Variants in PCDHB11 observed in about 807,000 individuals in gnomAD.
PCDHB11 encodes protocadherin beta 11.
For missense variants in PCDHB11, 1,151 were observed against 1,003.4 expected (o/e 1.15, Z -1.99); for synonymous variants, 522 against 442.0 (o/e 1.18, Z -2.27).
At position 141,200,996 on chromosome 5, in the gene PCDHB11, C is replaced by T. The variant is rs782030350; in HGVS notation, c.1222C>T (p.Pro408Ser). Residue 408 changes from proline (P) to serine (S), a missense_variant, in exon 1 of 1, where the codon CCA (proline) becomes TCA (serine). Transcript: ENST00000354757. ...ENYYTLETER[P>S]LDRESTAEYN... ...TTACTACACGTTGGAAACAGAGAGA[C>T]CACTGGACAGAGAGAGCACAGCCGA... is the stretch of plus-strand genomic sequence containing the variant. The T allele has an allele frequency of 6.2e-6, 10 of 1,614,188 alleles. No homozygotes were observed. Among genetic ancestry groups the T allele is most frequent in the Non-Finnish European group, 8.5e-6 (10 of 1,180,044 alleles).
In PCDHB11 at chr5:141,200,511, T is replaced by C; in HGVS notation, c.737T>C (p.Phe246Ser). 6.2e-7 allele frequency: 1 copy of C among 1,614,142 alleles called. No homozygotes were observed. The highest frequency in any genetic ancestry group is 8.5e-7 in the Non-Finnish European group (1 of 1,180,032). The change falls in exon 1 of 1, where the codon TTT becomes TCT. Residue 246 changes from phenylalanine to serine, a missense_variant. Transcript: ENST00000354757. The stretch of plus-strand genomic sequence containing the variant: ...AACTCCCCTGAATTTGAGCAGGCTT[T>C]TTATGAGGTGAAGATTCGGGAGAAT... ...NDNSPEFEQA[F>S]YEVKIRENSI... is the part of the protein sequence containing the mutation.
rs115706518 is a variant in PCDHB11 at position 141,200,550 on chromosome 5, C to T, written c.776C>T (p.Ser259Leu). ...VKIRENSILG[S>L]LILIVSAWDL... ...ATTCGGGAGAATAGCATCCTTGGCT[C>T]GCTGATTTTGATTGTCTCAGCTTGG... The change falls in exon 1 of 1, where the codon TCG becomes TTG. Residue 259 changes from serine to leucine, a missense_variant. Transcript: ENST00000354757. 9 of 1,613,980 alleles carry T rather than the reference C, an allele frequency of 5.6e-6. No individual in the cohort carries two copies. The highest frequency in any genetic ancestry group is 3.3e-5 in the Admixed American group (2 of 59,990).
chr5:141,203,100 T>A lies in PCDHB11; in HGVS notation c.*932T>A, dbSNP rs913597867. 13 of 152,138 alleles carry A rather than the reference T, an allele frequency of 8.5e-5. No individual in the cohort carries two copies. Among genetic ancestry groups the A allele is most frequent in the African/African-American group, 3.1e-4 (13 of 41,392 alleles). The allele number at this position is 152,138 out of a possible 1,614,324, so 9.4% of individuals were successfully genotyped here. ...TTTCTCTTAGGTTGTTTTGTTTTGTTTTGTTTTTTGAGACGATGTTTCACT... is the reference window on the plus strand; with the variant it reads ...TTTCTCTTAGGTTGTTTTGTTTTGTATTGTTTTTTGAGACGATGTTTCACT... On this transcript the variant is annotated 3_prime_UTR_variant, in exon 1 of 1. Coordinates refer to ENST00000354757, the MANE Select transcript of PCDHB11 (RefSeq NM_018931.3).
At position 141,200,371 on chromosome 5, in the gene PCDHB11, G is replaced by T. The variant is rs532134044; in HGVS notation, c.597G>T (p.Ala199=). ...ACCCCGAGTTAGTTCTGGACAAGGCGCTGGATTATGAAGAGCTCCCGGAGC... is the reference window on the plus strand; with the variant it reads ...ACCCCGAGTTAGTTCTGGACAAGGCTCTGGATTATGAAGAGCTCCCGGAGC... The part of the protein sequence containing the change: ...RKYPELVLDK[A]LDYEELPELS... Residue 199 remains alanine, a synonymous_variant, in exon 1 of 1, where the codon GCG becomes GCT. Coordinates refer to ENST00000354757, the MANE Select transcript of PCDHB11 (RefSeq NM_018931.3). 1.9e-6 allele frequency: 3 copies of T among 1,614,160 alleles called. No homozygotes were observed. Among genetic ancestry groups the T allele is most frequent in the Non-Finnish European group, 1.7e-6 (2 of 1,180,026 alleles).
At position 141,200,983 on chromosome 5, in the gene PCDHB11, G is replaced by A; in HGVS notation, c.1209G>A (p.Leu403=). The A allele has an allele frequency of 1.2e-6, 2 of 1,614,156 alleles. No individual in the cohort carries two copies. The highest frequency in any genetic ancestry group is 1.7e-6 in the Non-Finnish European group (2 of 1,180,046). Residue 403 remains leucine (L), a synonymous_variant, in exon 1 of 1, where the codon TTG becomes TTA. Coordinates refer to ENST00000354757, the MANE Select transcript of PCDHB11 (RefSeq NM_018931.3). ...LKSSVENYYT[L]ETERPLDRES... is the part of the protein sequence containing the mutation. ...CTTCAGTTGAGAATTACTACACGTT[G>A]GAAACAGAGAGACCACTGGACAGAG...
In PCDHB11 at chr5:141,200,063, G is replaced by C. The variant is rs1420085300; in HGVS notation, c.289G>C (p.Gly97Arg). The change falls in exon 1 of 1, where the codon GGT (glycine) becomes CGT (arginine). Residue 97 changes from glycine (G) to arginine (R), a missense_variant. Physicochemically the swap from Gly to Arg is moderately radical, Grantham distance 125 (BLOSUM62 -2). Coordinates refer to ENST00000354757, the MANE Select transcript of PCDHB11 (RefSeq NM_018931.3). Reference sequence around the variant, plus strand: ...AACACTAGACAGGGAGGAGCTCTGCGGTTCCATCGAGCCTTGCGTGCTACA... The same window carrying C: ...AACACTAGACAGGGAGGAGCTCTGCCGTTCCATCGAGCCTTGCGTGCTACA... The part of the protein sequence containing the change: ...SETLDREELC[G>R]SIEPCVLHLQ... 5.6e-6 allele frequency: 9 copies of C among 1,614,144 alleles called. No homozygotes were observed. Among genetic ancestry groups the C allele is most frequent in the Non-Finnish European group, 3.4e-6 (4 of 1,180,038 alleles).
chr5:141,202,300 A>AT lies in PCDHB11; in HGVS notation c.*132_*133insT. 14 of 843,284 alleles carry AT rather than the reference A, an allele frequency of 1.7e-5. No individual in the cohort carries two copies. The highest frequency in any genetic ancestry group is 3.7e-5 in the Admixed American group (1 of 27,250). The allele number at this position is 843,284 out of a possible 1,614,324, so 52.2% of individuals were successfully genotyped here. A position where few individuals can be genotyped will look rare whatever the true frequency, so the allele number is the denominator to read the frequency against. On this transcript the variant is annotated 3_prime_UTR_variant, in exon 1 of 1. Coordinates refer to ENST00000354757, the MANE Select transcript of PCDHB11 (RefSeq NM_018931.3). ...TTTTTAATTTTTTCTTTTCTCCCCC[A>AT]ATTTTTTTTTTTTTTTTGAGACCGA...
At position 141,202,300 on chromosome 5, in the gene PCDHB11, A is replaced by ATT; in HGVS notation, c.*132_*133insTT. The ATT allele has an allele frequency of 1.2e-6, 1 of 843,362 alleles. No homozygotes were observed. The highest frequency in any genetic ancestry group is 1.7e-6 in the Non-Finnish European group (1 of 598,028). 52.2% of individuals were successfully genotyped at this position (843,362 alleles called of 1,614,324 possible). On this transcript the variant is annotated 3_prime_UTR_variant, in exon 1 of 1. Coordinates refer to ENST00000354757, the MANE Select transcript of PCDHB11 (RefSeq NM_018931.3). Reference sequence around the variant, plus strand: ...TTTTTAATTTTTTCTTTTCTCCCCCAATTTTTTTTTTTTTTTTGAGACCGA... The same window carrying ATT: ...TTTTTAATTTTTTCTTTTCTCCCCCATTATTTTTTTTTTTTTTTTGAGACCGA...
Position 141,201,527 on chromosome 5 carries a change from C to T in PCDHB11, c.1753C>T (p.Leu585=). The T allele has an allele frequency of 6.2e-7, 1 of 1,609,050 alleles. No homozygotes were observed. Among genetic ancestry groups the T allele is most frequent in the Non-Finnish European group, 8.5e-7 (1 of 1,179,010 alleles). ...GCCCCGGGCGGCCGAGCCGGGCTAC[C>T]TGGTGACCAAGGTGGTGGCGGTGGA... ...LVPRAAEPGY[L]VTKVVAVDGD... The change falls in exon 1 of 1, where the codon CTG becomes TTG. Residue 585 remains leucine, a synonymous_variant. Coordinates refer to ENST00000354757, the MANE Select transcript of PCDHB11 (RefSeq NM_018931.3).
rs72116873 is a variant in PCDHB11 at position 141,202,301 on chromosome 5, ATTT to A, written c.*147_*149del. The A allele has an allele frequency of 1.7e-3, 1,158 of 668,852 alleles. No homozygotes were observed. The highest frequency in any genetic ancestry group is 3.3e-3 in the East Asian group (96 of 29,154). The allele number at this position is 668,852 out of a possible 1,614,324, so 41.4% of individuals were successfully genotyped here. On this transcript the variant is annotated 3_prime_UTR_variant, in exon 1 of 1. Transcript: ENST00000354757. ...TTTTAATTTTTTCTTTTCTCCCCCAATTTTTTTTTTTTTTTTGAGACCGAGTCT... is the reference window on the plus strand; with the variant it reads ...TTTTAATTTTTTCTTTTCTCCCCCAATTTTTTTTTTTTTGAGACCGAGTCT...
rs1202084006 is a variant in PCDHB11, at chr5:141,201,417, G to C, written c.1643G>C (p.Arg548Pro). 8.1e-6 allele frequency: 13 copies of C among 1,611,566 alleles called. No homozygotes were observed. Among genetic ancestry groups the C allele is most frequent in the Non-Finnish European group, 1.1e-5 (13 of 1,179,668 alleles). Residue 548 changes from arginine to proline, a missense_variant, in exon 1 of 1, where the codon CGC becomes CCC. Coordinates refer to ENST00000354757, the MANE Select transcript of PCDHB11 (RefSeq NM_018931.3). ...GCTTTGAGCAGCGAGGCGCTGGTGCGCGTGCTGGTGCTGGACGCCAACGAC... is the reference window on the plus strand; with the variant it reads ...GCTTTGAGCAGCGAGGCGCTGGTGCCCGTGCTGGTGCTGGACGCCAACGAC... ...SPALSSEALVRVLVLDANDNS... is the reference protein window; with the variant it reads ...SPALSSEALVPVLVLDANDNS...
rs1260975284 is a variant in PCDHB11, at chr5:141,200,536, T to C, written c.762T>C (p.Asn254=). The part of the protein sequence containing the change: ...QAFYEVKIRE[N]SILGSLILIV... ...TTTATGAGGTGAAGATTCGGGAGAA[T>C]AGCATCCTTGGCTCGCTGATTTTGA... The change falls in exon 1 of 1, where the codon AAT becomes AAC. Residue 254 remains asparagine (N), a synonymous_variant. Coordinates refer to ENST00000354757, the MANE Select transcript of PCDHB11 (RefSeq NM_018931.3). The C allele has an allele frequency of 1.9e-6, 3 of 1,614,080 alleles. No individual in the cohort carries two copies. The African/African-American group carries it at 4.0e-5, about 22-fold the overall frequency.
Position 141,201,971 on chromosome 5 carries a change from C to A in PCDHB11, c.2197C>A (p.Pro733Thr), listed in dbSNP as rs569012293. The change falls in exon 1 of 1, where the codon CCA (proline) becomes ACA (threonine). Residue 733 changes from proline (P) to threonine (T), a missense_variant. Physicochemically the swap from Pro to Thr is conservative, Grantham distance 38. Coordinates refer to ENST00000354757, the MANE Select transcript of PCDHB11 (RefSeq NM_018931.3). Reference sequence around the variant, plus strand: ...CTGCTCGGTGCCTAAGGGCCCCTTTCCAGGGCATCTGGTGGACGTGAGCGG... The same window carrying A: ...CTGCTCGGTGCCTAAGGGCCCCTTTACAGGGCATCTGGTGGACGTGAGCGG... ...GSCSVPKGPF[P>T]GHLVDVSGTG... 6.2e-7 allele frequency: 1 copy of A among 1,614,144 alleles called. No individual in the cohort carries two copies. Among genetic ancestry groups the A allele is most frequent in the Non-Finnish European group, 8.5e-7 (1 of 1,180,012 alleles).
chr5:141,200,367 A>C lies in PCDHB11; in HGVS notation c.593A>C (p.Lys198Thr). 6.2e-7 allele frequency: 1 copy of C among 1,614,202 alleles called. No individual in the cohort carries two copies. Residue 198 changes from lysine (K) to threonine (T), a missense_variant, in exon 1 of 1, where the codon AAG becomes ACG. By Grantham distance (78) the Lys-to-Thr change is moderately conservative. Coordinates refer to ENST00000354757, the MANE Select transcript of PCDHB11 (RefSeq NM_018931.3). ...AAATACCCCGAGTTAGTTCTGGACA[A>C]GGCGCTGGATTATGAAGAGCTCCCG... ...NRKYPELVLD[K>T]ALDYEELPEL... is the part of the protein sequence containing the mutation.
rs1554285172 is a variant in PCDHB11, at chr5:141,199,928, C to T, written c.154C>T (p.Leu52=). The part of the protein sequence containing the change: ...GSFVGNLAKD[L]GLKVRELSSR... ...TTTTGTAGGCAATCTGGCAAAGGAC[C>T]TGGGGCTGAAGGTGAGAGAACTGTC... is the stretch of plus-strand genomic sequence containing the variant. Residue 52 remains leucine, a synonymous_variant, in exon 1 of 1, where the codon CTG becomes TTG. Transcript: ENST00000354757. The T allele has an allele frequency of 3.7e-6, 6 of 1,614,070 alleles. No homozygotes were observed. In the South Asian group the frequency reaches 6.6e-5, roughly 18 times the overall value.
rs638054 is a variant in PCDHB11, at chr5:141,201,937, G to T, written c.2163G>T (p.Ser721=). ...VRLCRRSRAA[S]VGSCSVPKGP... is the part of the protein sequence containing the mutation. Reference sequence around the variant, plus strand: ...TGTGCAGGAGGAGCAGGGCGGCCTCGGTGGGAAGCTGCTCGGTGCCTAAGG... The same window carrying T: ...TGTGCAGGAGGAGCAGGGCGGCCTCTGTGGGAAGCTGCTCGGTGCCTAAGG... The change falls in exon 1 of 1, where the codon TCG becomes TCT. Residue 721 remains serine, a synonymous_variant. Coordinates refer to ENST00000354757, the MANE Select transcript of PCDHB11 (RefSeq NM_018931.3). 373,622 of 1,613,840 alleles carry T rather than the reference G, an allele frequency of 0.23. 47,949 individuals are homozygous for T. The highest frequency in any genetic ancestry group is 0.53 in the East Asian group (23,776 of 44,816).
Position 141,200,280 on chromosome 5 carries a change from G to C in PCDHB11, c.506G>C (p.Ser169Thr), listed in dbSNP as rs782169185. 3 of 1,614,164 alleles carry C rather than the reference G, an allele frequency of 1.9e-6. No individual in the cohort carries two copies. Among genetic ancestry groups the C allele is most frequent in the South Asian group, 1.1e-5 (1 of 91,078 alleles). ...DLDVGINAVK[S>T]YTISPNSHFH... The stretch of plus-strand genomic sequence containing the variant: ...GATGTAGGAATCAATGCTGTAAAAA[G>C]CTACACAATAAGCCCCAACTCTCAT... The change falls in exon 1 of 1, where the codon AGC becomes ACC. Residue 169 changes from serine (S) to threonine (T), a missense_variant. Transcript: ENST00000354757.
rs1563969003 is a variant in PCDHB11 at position 141,202,080 on chromosome 5, CG to C, written c.2308del (p.Val770LeufsTer44). On this transcript the variant is annotated frameshift_variant, in exon 1 of 1. Coordinates refer to ENST00000354757, the MANE Select transcript of PCDHB11 (RefSeq NM_018931.3). LOFTEE classifies it low-confidence loss of function (END_TRUNC). ...ACAAATGAATTCAAGTTCCTAAAAC[CG>C]GTTATCCCTAATATCCAGGCAAAAG... is the stretch of plus-strand genomic sequence containing the variant. ...SETNEFKFLK[P>X]VIPNIQAKGL... is the part of the protein sequence containing the mutation. 1 of 1,614,106 alleles carries C rather than the reference CG, an allele frequency of 6.2e-7. No individual in the cohort carries two copies.
In PCDHB11 at chr5:141,203,611, T is replaced by C. The variant is rs1021837539; in HGVS notation, c.*1443T>C. ...TTTTGTGATCAATATTATACTTCAA[T>C]ACTAACTTTGTGCTTGTATTATTTT... On this transcript the variant is annotated 3_prime_UTR_variant, in exon 1 of 1. Transcript: ENST00000354757. 103 of 152,212 alleles carry C rather than the reference T, an allele frequency of 6.8e-4. No homozygotes were observed. The highest frequency in any genetic ancestry group is 2.4e-3 in the African/African-American group (98 of 41,448). 9.4% of individuals were successfully genotyped at this position (152,212 alleles called of 1,614,324 possible).
Sources: gnomAD v4.1 joint callset for allele counts on GRCh38, gnomAD v4.1.1 for gene constraint, MANE v1.5 for transcripts, NCBI Gene and HGNC (gene_info 2026-07-23, HGNC 2026-07-21) for gene names.